The following SLC44A1 variants were observed in gnomAD, a reference collection of about 807,000 sequenced individuals.
SLC44A1 encodes the protein solute carrier family 44 member 1.
In SLC44A1, 26 loss-of-function variants were observed where a neutral mutation model predicts 79.3. That is an observed-to-expected ratio of 0.33 (90% confidence interval 0.24 to 0.46). The LOEUF is 0.46. Among genes scored for constraint, SLC44A1 ranks in the 20% least tolerant of loss-of-function variants. The pLI, the probability that SLC44A1 is intolerant of heterozygous loss-of-function variation, is 1.00. For synonymous variants in SLC44A1, 263 were observed against 286.2 expected, an observed-to-expected ratio of 0.92 and a Z score of 0.82; for missense variants, 688 against 798.1, an observed-to-expected ratio of 0.86 and a Z score of 1.66.
At chr9:105,353,454 G>A (rs191911862) in intron 5 of SLC44A1, among the ~76,000 whole-genome samples, 1 of 152,004 alleles carries the variant, frequency 6.6e-6, no homozygotes, top group African/African-American at 2.4e-5. Context: ...TGAACATATT[G>A]GGCATCCTGT....
At chr9:105,250,049 A>C (rs759622475) in intron 1 of SLC44A1, among the ~76,000 whole-genome samples, 2 of 149,884 alleles carry the variant, frequency 1.3e-5, no homozygotes, top group African/African-American at 4.9e-5. Context: ...TAATGTTTTA[A>C]ATTTTTTGTA....
intron 15 of SLC44A1, among the ~76,000 whole-genome samples, chr9:105,423,864 A>G (rs994213966): frequency 6.6e-6 from 1 of 152,362 alleles, no homozygotes; most frequent in Non-Finnish European, 1.5e-5. Context: ...CCAATCTATC[A>G]AGAAAATCTG....
chr9:105,393,911 G>A lies in SLC44A1; in HGVS notation c.*4855G>A, dbSNP rs1758292330. ...TCTAGTGAAGATCTAGTTGAACATGGAAACATTGTAATTTACAAATGTCTC... is the reference window on the plus strand; with the variant it reads ...TCTAGTGAAGATCTAGTTGAACATGAAAACATTGTAATTTACAAATGTCTC... On this transcript the variant is annotated 3_prime_UTR_variant, in exon 16 of 16. Transcript: ENST00000374720. The A allele has an allele frequency of 1.0e-6, 1 of 984,746 alleles. No homozygotes were observed. Among genetic ancestry groups the A allele is most frequent in the African/African-American group, 1.7e-5 (1 of 57,204 alleles). The allele number at this position is 984,746 out of a possible 1,614,324, so 61.0% of individuals were successfully genotyped here. A position where few individuals can be genotyped will look rare whatever the true frequency, so the allele number is the denominator to read the frequency against.
intron 2 of SLC44A1, chr9:105,299,700 A>T: frequency 1.4e-6 from 1 of 733,344 alleles, no homozygotes; most frequent in Non-Finnish European, 1.7e-6. Flanking sequence ...CCTAGATGGG[A>T]GGCTGGTTGC....
intron 2 of SLC44A1, among the ~76,000 whole-genome samples, chr9:105,308,184 C>A (rs1471255621): frequency 6.6e-6 from 1 of 152,194 alleles, no homozygotes; most frequent in Non-Finnish European, 1.5e-5. Flanking sequence ...TTCCATTGAT[C>A]AACACAGGCT....
chr9:105,406,226 C>T (rs1829027825), intron 15 of SLC44A1, among the ~76,000 whole-genome samples: 1 of 152,102 alleles, frequency 6.6e-6, no homozygotes, highest in Admixed American at 6.5e-5. Context: ...CACACACACA[C>T]ACCAAAGAAT....
At chr9:105,388,252 C>A (rs1166374206) in intron 15 of SLC44A1, among the ~76,000 whole-genome samples, 1 of 152,166 alleles carries the variant, frequency 6.6e-6, no homozygotes, top group Non-Finnish European at 1.5e-5. Flanking sequence ...TTAGAGTTGG[C>A]CCCTACTAAC....
Position 105,390,184 on chromosome 9 carries a change from G to C in SLC44A1, c.*1128G>C, listed in dbSNP as rs759150791. On this transcript the variant is annotated 3_prime_UTR_variant, in exon 16 of 16. Transcript: ENST00000374720. Reference sequence around the variant, plus strand: ...TTGTTTTTGTTTGGGGGTGGGTTTGGGGTTTTTTGCTTTTTTATTCCTGAA... The same window carrying C: ...TTGTTTTTGTTTGGGGGTGGGTTTGCGGTTTTTTGCTTTTTTATTCCTGAA... The C allele has an allele frequency of 1.2e-4, 141 of 1,182,320 alleles. No individual in the cohort carries two copies. The highest frequency in any genetic ancestry group is 1.5e-4 in the Non-Finnish European group (141 of 955,256). The allele number at this position is 1,182,320 out of a possible 1,614,324, so 73.2% of individuals were successfully genotyped here.
chr9:105,359,558 T>C lies in SLC44A1; in HGVS notation c.760+1125T>C, dbSNP rs538174924. Among the ~76,000 whole-genome samples, 30 of 152,322 alleles carry C rather than the reference T, an allele frequency of 2.0e-4. No individual in the cohort carries two copies. In the South Asian group the frequency reaches 5.8e-3, roughly 29 times the overall value. ...TCTATAAAGGACTTAGCACAGTTCC[T>C]AATACAAATTTAAATTTTAATAATA... On this transcript the variant is annotated intron_variant, in intron 7 of 15. Coordinates refer to ENST00000374720, the MANE Select transcript of SLC44A1 (RefSeq NM_080546.5).
At chr9:105,405,404 C>T (rs888448915) in intron 15 of SLC44A1, among the ~76,000 whole-genome samples, 10 of 151,248 alleles carry the variant, frequency 6.6e-5, no homozygotes, top group South Asian at 6.3e-4. Flanking sequence ...TCCACAAAAA[C>T]GATGATCAAA....
intron 15 of SLC44A1, among the ~76,000 whole-genome samples, chr9:105,433,164 T>A (rs369876946): frequency 6.6e-6 from 1 of 151,912 alleles, no homozygotes; most frequent in Non-Finnish European, 1.5e-5. Flanking sequence ...GGTATGGTAG[T>A]GTGCGCCTGT....
chr9:105,368,593 G>A (rs1307659028), intron 12 of SLC44A1, among the ~76,000 whole-genome samples: 4 of 152,070 alleles, frequency 2.6e-5, no homozygotes, highest in Admixed American at 6.5e-5. Flanking sequence ...ATATCACACT[G>A]CTGCCATTAT....
At chr9:105,347,822 G>A (rs928663315) in intron 4 of SLC44A1, among the ~76,000 whole-genome samples, 5 of 151,904 alleles carry the variant, frequency 3.3e-5, no homozygotes, top group African/African-American at 7.2e-5. Flanking sequence ...TGTATTATCT[G>A]AATTTACATG....
intron 3 of SLC44A1, among the ~76,000 whole-genome samples, chr9:105,323,545 A>G (rs1454423134): frequency 1.3e-5 from 2 of 152,242 alleles, no homozygotes; most frequent in South Asian, 2.1e-4. Flanking sequence ...TCCTTAGCAC[A>G]GTGCCTGGTA....
intron 4 of SLC44A1, among the ~76,000 whole-genome samples, chr9:105,338,665 C>G (rs552897625): frequency 2.0e-5 from 3 of 152,170 alleles, no homozygotes; most frequent in African/African-American, 7.2e-5. Context: ...CCTCCCTCCT[C>G]GGCCTCTCAA....
intron 1 of SLC44A1, among the ~76,000 whole-genome samples, chr9:105,255,176 A>C (rs191219595): frequency 6.6e-6 from 1 of 151,146 alleles, no homozygotes; most frequent in Non-Finnish European, 1.5e-5. Context: ...AAGAGTTCTC[A>C]CAGTATATAA....
At chr9:105,362,061 T>C (rs550973868) in intron 8 of SLC44A1, among the ~76,000 whole-genome samples, 28 of 152,126 alleles carry the variant, frequency 1.8e-4, no homozygotes, top group Non-Finnish European at 3.1e-4. Flanking sequence ...TGCGTGTGTG[T>C]GCGCGCGCGC....
At chr9:105,256,744 T>TTATTTTATTC (rs1482776512) in intron 1 of SLC44A1, among the ~76,000 whole-genome samples, 3 of 94,020 alleles carry the variant, frequency 3.2e-5, no homozygotes, top group African/African-American at 1.8e-4. Context: ...TGTATTATTT[T>TTATTTTATTC]TATTTTATTT....
chr9:105,414,298 G>A (rs1391458212), intron 15 of SLC44A1, among the ~76,000 whole-genome samples: 7 of 151,970 alleles, frequency 4.6e-5, no homozygotes, highest in Non-Finnish European at 8.8e-5. Context: ...CTCGTGATCC[G>A]CCCGCCTCGG....
Sources: gnomAD v4.1 joint callset for allele counts (sites outside exome capture counted in the v4.1 genomes callset) on GRCh38, gnomAD v4.1.1 for gene constraint, MANE v1.5 for transcripts, NCBI Gene and HGNC (gene_info 2026-07-23, HGNC 2026-07-21) for gene names.